The following SLA2 variants were observed in gnomAD, a reference collection of about 807,000 sequenced individuals.
SLA2 encodes the protein src-like-adapter 2.
In SLA2, 22 loss-of-function variants were observed where a neutral mutation model predicts 27.3. The ratio of observed to expected loss-of-function variants is 0.81; its 90% CI spans 0.58 to 1.15. The LOEUF (loss-of-function observed/expected upper bound fraction) is 1.15. Ranked by LOEUF, SLA2 falls within the 50% of genes most tolerant of loss-of-function variation. The pLI, the probability that SLA2 is intolerant of heterozygous loss-of-function variation, is 0.00. For synonymous variants in SLA2, 131 were observed against 137.8 expected (o/e 0.95, Z 0.34); for missense variants, 304 against 322.2 (o/e 0.94, Z 0.43).
At chr20:36,614,821 T>C (rs2039188729) in intron 6 of SLA2, 1 of 985,312 alleles carries the variant, frequency 1.0e-6, no homozygotes, top group South Asian at 4.7e-5. Context: ...CTCTGCCCCC[T>C]GACGCTGTGC....
chr20:36,636,865 C>A (rs2039455599), intron 2 of SLA2, among the ~76,000 whole-genome samples: 1 of 151,374 alleles, frequency 6.6e-6, no homozygotes, highest in African/African-American at 2.4e-5. Flanking sequence ...ACAGGAGAAT[C>A]GCTTGAACCC....
chr20:36,640,586 G>A (rs1179525362), intron 2 of SLA2, among the ~76,000 whole-genome samples: 2 of 149,548 alleles, frequency 1.3e-5, no homozygotes, highest in South Asian at 2.1e-4. Flanking sequence ...GCATGATCTC[G>A]GCTCACTGCA....
At chr20:36,632,434 T>C (rs6101556) in intron 5 of SLA2, among the ~76,000 whole-genome samples, 161 bp downstream of exon 5, 4,761 of 152,250 alleles carry the variant, frequency 0.031, 242 homozygotes, top group African/African-American at 0.11. Flanking sequence ...CTCCACATGG[T>C]TCATATGGGC....
At chr20:36,617,612 C>A (rs2147977782) in intron 5 of SLA2, among the ~76,000 whole-genome samples, 1 of 151,696 alleles carries the variant, frequency 6.6e-6, no homozygotes, top group African/African-American at 2.4e-5. Context: ...AATCCCAGCA[C>A]TTTGGGAGGC....
intron 2 of SLA2, among the ~76,000 whole-genome samples, chr20:36,639,396 T>TACACAC (rs72401143): frequency 2.1e-4 from 31 of 146,848 alleles, no homozygotes; most frequent in South Asian, 1.5e-3. Context: ...AAAAAATCTC[T>TACACAC]ACACACACAC....
intron 1 of SLA2, among the ~76,000 whole-genome samples, chr20:36,644,388 G>A (rs2148000017): frequency 6.6e-6 from 1 of 152,328 alleles, no homozygotes; most frequent in Admixed American, 6.5e-5. Context: ...GTGCACTACA[G>A]GCGCCACGGG....
chr20:36,618,934 A>G (rs971396464), intron 5 of SLA2, among the ~76,000 whole-genome samples: 2 of 132,100 alleles, frequency 1.5e-5, no homozygotes, highest in Non-Finnish European at 3.3e-5. Flanking sequence ...AAAAAAAAAA[A>G]GTATCTAGAA....
chr20:36,638,723 A>T (rs1468902458), intron 2 of SLA2, among the ~76,000 whole-genome samples: 1 of 152,246 alleles, frequency 6.6e-6, no homozygotes, highest in Non-Finnish European at 1.5e-5. Context: ...GAACAAGTAA[A>T]TACACCATGA....
Position 36,615,451 on chromosome 20 carries a change from A to G in SLA2, c.383-77T>C, listed in dbSNP as rs960672072. On this transcript the variant is annotated intron_variant, in intron 5 of 7. Transcript: ENST00000262866. ...CCCACCTAGGCTGGGAAACGAAGAT[A>G]GGCAACGTGACCATGGGGCCCCGGC... is the stretch of plus-strand genomic sequence containing the variant. 1.4e-5 allele frequency: 22 copies of G among 1,586,116 alleles called. No homozygotes were observed. The African/African-American group carries it at 2.3e-4, about 17-fold the overall frequency.
chr20:36,624,082 A>G (rs1323687552), intron 5 of SLA2, among the ~76,000 whole-genome samples: 2 of 152,126 alleles, frequency 1.3e-5, no homozygotes, highest in Non-Finnish European at 2.9e-5. Context: ...TTCCTGTCTC[A>G]GCCTCACATC....
intron 2 of SLA2, among the ~76,000 whole-genome samples, chr20:36,637,661 C>G (rs1270825191): frequency 1.8e-5 from 2 of 113,244 alleles, no homozygotes; most frequent in African/African-American, 6.6e-5. Context: ...CAGTCCTGCT[C>G]TGTTGCCCAG....
chr20:36,645,366 C>CA (rs796709033), intron 1 of SLA2, among the ~76,000 whole-genome samples: 101 of 144,218 alleles, frequency 7.0e-4, no homozygotes, highest in East Asian at 3.6e-3. Context: ...GACCCCAACT[C>CA]AAAAAAAAAA....
intron 5 of SLA2, among the ~76,000 whole-genome samples, chr20:36,617,533 CA>C (rs1159077334): frequency 0.035 from 2,011 of 56,842 alleles, 19 homozygotes; most frequent in African/African-American, 0.1. Flanking sequence ...GACCCTGTCT[CA>C]AAAAAAAAAA....
At chr20:36,634,723 C>T (rs6101569) in intron 2 of SLA2, 134 bp from the exon 3 acceptor site, 4 of 518,356 alleles carry the variant, frequency 7.7e-6, no homozygotes, top group Non-Finnish European at 1.1e-5. Flanking sequence ...CATCCACTTC[C>T]TAAGAGGGCC....
At position 36,613,503 on chromosome 20, in the gene SLA2, G is replaced by A; in HGVS notation, c.*363C>T. On this transcript the variant is annotated 3_prime_UTR_variant, in exon 8 of 8. Coordinates refer to ENST00000262866, the MANE Select transcript of SLA2 (RefSeq NM_032214.4). ...ACCTTGTGGGTGGGGCCTGGTTAATGGTGGGGATGTAGAATGGGGCTCAAC... is the reference window on the plus strand; with the variant it reads ...ACCTTGTGGGTGGGGCCTGGTTAATAGTGGGGATGTAGAATGGGGCTCAAC... 5.5e-6 allele frequency: 1 copy of A among 180,188 alleles called. No individual in the cohort carries two copies. Among genetic ancestry groups the A allele is most frequent in the Non-Finnish European group, 1.2e-5 (1 of 86,526 alleles). The allele number at this position is 180,188 out of a possible 1,614,324, so 11.2% of individuals were successfully genotyped here.
chr20:36,614,392 A>G lies in SLA2; in HGVS notation c.578T>C (p.Leu193Pro). The change falls in exon 7 of 8, where the codon CTG becomes CCG. Residue 193 changes from leucine (L) to proline (P), a missense_variant. By Grantham distance (98) the Leu-to-Pro change is moderately conservative. Transcript: ENST00000262866. ...ICCLLKEPCVLQRAGPLPGKD... is the reference protein window; with the variant it reads ...ICCLLKEPCVPQRAGPLPGKD... ...GCCAGGGAGCGGGCCAGCCCTCTGC[A>G]GGACACAGGGCTCCTTGAGTAGGCA... 1.2e-6 allele frequency: 2 copies of G among 1,613,910 alleles called. No individual in the cohort carries two copies. Among genetic ancestry groups the G allele is most frequent in the Non-Finnish European group, 1.7e-6 (2 of 1,179,876 alleles).
intron 5 of SLA2, among the ~76,000 whole-genome samples, chr20:36,623,509 C>CA (rs975851767): frequency 2.0e-5 from 3 of 152,034 alleles, no homozygotes; most frequent in Non-Finnish European, 4.4e-5. Flanking sequence ...AGGAATCTGC[C>CA]AAAAAGCTAC....
At chr20:36,623,059 A>C (rs925701780) in intron 5 of SLA2, among the ~76,000 whole-genome samples, 5 of 152,144 alleles carry the variant, frequency 3.3e-5, no homozygotes, top group Non-Finnish European at 5.9e-5. Context: ...ACCTGAGGCC[A>C]GGAGTTCAAG....
At chr20:36,622,443 T>TAA (rs58568342) in intron 5 of SLA2, among the ~76,000 whole-genome samples, 1 of 141,096 alleles carries the variant, frequency 7.1e-6, no homozygotes, top group Non-Finnish European at 1.6e-5. Flanking sequence ...CCTTCATGAT[T>TAA]AAAAAAAAAA....
Sources: gnomAD v4.1 joint callset for allele counts (sites outside exome capture counted in the v4.1 genomes callset) on GRCh38, gnomAD v4.1.1 for gene constraint, MANE v1.5 for transcripts, NCBI Gene and HGNC (gene_info 2026-07-23, HGNC 2026-07-21) for gene names.